The following PATJ variants were observed in gnomAD, a reference collection of about 807,000 sequenced individuals.
The protein encoded by PATJ is inaD-like protein.
PATJ carries 190 observed loss-of-function variants against 224.9 expected under a neutral mutation model. The observed-to-expected ratio is 0.84, with a 90% CI of 0.75 to 0.95. The LOEUF (loss-of-function observed/expected upper bound fraction) is 0.95. Among genes scored for constraint, PATJ ranks in the 40% least tolerant of loss-of-function variants. The pLI, the probability that PATJ is intolerant of heterozygous loss-of-function variation, is 0.00. For missense variants in PATJ, 2,121 were observed against 2,270.3 expected, an observed-to-expected ratio of 0.93 and a Z score of 1.34; for synonymous variants, 769 against 820.3, an observed-to-expected ratio of 0.94 and a Z score of 1.07.
At chr1:62,012,631 G>A (rs1306581705) in intron 28 of PATJ, among the ~76,000 whole-genome samples, 1 of 152,114 alleles carries the variant, frequency 6.6e-6, no homozygotes, top group East Asian at 1.9e-4. Flanking sequence ...TGAATTTTCA[G>A]TGGAGCATAT....
chr1:62,004,704 T>C lies in PATJ; in HGVS notation c.3868-13152T>C, dbSNP rs568666687. Among the ~76,000 whole-genome samples, 39 of 152,360 alleles carry C rather than the reference T, an allele frequency of 2.6e-4. No individual in the cohort carries two copies. The South Asian group carries it at 8.1e-3, about 32-fold the overall frequency. On this transcript the variant is annotated intron_variant, in intron 28 of 43. Coordinates refer to ENST00000642238, the MANE Select transcript of PATJ (RefSeq NM_001350145.3). Reference sequence around the variant, plus strand: ...GTAATGTATTAGGCATGTGTGCACATGTATGTGTGTGTGCCTTCTATGTTG... The same window carrying C: ...GTAATGTATTAGGCATGTGTGCACACGTATGTGTGTGTGCCTTCTATGTTG...
rs1161474792 is a variant in PATJ, at chr1:62,136,648, CGTGTGTGTGTGTGTGTCT to C, written c.5271+7720_5271+7737del. Among the ~76,000 whole-genome samples, 62 of 71,292 alleles carry C rather than the reference CGTGTGTGTGTGTGTGTCT, an allele frequency of 8.7e-4. 1 individual carries two copies. The highest frequency in any genetic ancestry group is 2.2e-3 in the South Asian group (4 of 1,800). 46.8% of individuals were successfully genotyped at this position (71,292 alleles called of 152,430 possible). ...AAGTGCTGAGGATTTTTATGTTTTG[CGTGTGTGTGTGTGTGTCT>C]GTGTGTGTGTGTGTGTGTGTGTGTG... On this transcript the variant is annotated intron_variant, in intron 41 of 43. Coordinates refer to ENST00000642238, the MANE Select transcript of PATJ (RefSeq NM_001350145.3).
At chr1:62,017,742 A>AG (rs1646861618) in intron 28 of PATJ, 114 bp from the exon 29 acceptor site, 31 of 578,418 alleles carry the variant, frequency 5.4e-5, no homozygotes, top group African/African-American at 2.5e-4. Flanking sequence ...AAAAAAAAAA[A>AG]AAAAAGAAAA....
intron 20 of PATJ, among the ~76,000 whole-genome samples, chr1:61,869,995 G>A (rs1666080976): frequency 6.6e-6 from 1 of 152,212 alleles, no homozygotes; most frequent in Non-Finnish European, 1.5e-5. Context: ...TCTGCCATCT[G>A]CGGACGGCTT....
At chr1:61,804,479 C>A (rs1404322770) in intron 12 of PATJ, among the ~76,000 whole-genome samples, 1 of 152,070 alleles carries the variant, frequency 6.6e-6, no homozygotes, top group African/African-American at 2.4e-5. Context: ...ATGCTGAAGA[C>A]TGAAAGAGCT....
intron 12 of PATJ, among the ~76,000 whole-genome samples, chr1:61,803,699 A>C (rs1652994581): frequency 6.6e-6 from 1 of 152,218 alleles, no homozygotes. Context: ...AGGAAGTATT[A>C]GTTTTAGAAA....
chr1:61,843,205 C>T (rs1374926807), intron 17 of PATJ, among the ~76,000 whole-genome samples: 1 of 152,098 alleles, frequency 6.6e-6, no homozygotes, highest in Non-Finnish European at 1.5e-5. Flanking sequence ...CCCTTTCAGC[C>T]CTTTCCTCTG....
intron 31 of PATJ, among the ~76,000 whole-genome samples, chr1:62,077,852 C>G (rs1658583882): frequency 6.6e-6 from 1 of 152,076 alleles, no homozygotes. Flanking sequence ...AGTGTGATTT[C>G]AAATATGTCA....
At chr1:61,768,957 A>G (rs1419087194) in intron 4 of PATJ, among the ~76,000 whole-genome samples, 8 of 152,254 alleles carry the variant, frequency 5.3e-5, no homozygotes, top group East Asian at 1.9e-4. Flanking sequence ...AGGAAATTCA[A>G]TGTAAAAAAG....
rs761389312 is a variant in PATJ at position 62,117,238 on chromosome 1, C to A, written c.4890+20C>A. 1 of 1,613,640 alleles carries A rather than the reference C, an allele frequency of 6.2e-7. No homozygotes were observed. The highest frequency in any genetic ancestry group is 1.7e-5 in the Admixed American group (1 of 59,972). On this transcript the variant is annotated intron_variant, in intron 37 of 43. Coordinates refer to ENST00000642238, the MANE Select transcript of PATJ (RefSeq NM_001350145.3). The stretch of plus-strand genomic sequence containing the variant: ...AGTCAGGTTGTCGATGGCTTCTCAT[C>A]AGACTGACTCACTCTTCTGCCCCCA...
At chr1:62,154,699 G>C (rs1570851511) in intron 43 of PATJ, among the ~76,000 whole-genome samples, 1 of 151,448 alleles carries the variant, frequency 6.6e-6, no homozygotes, top group East Asian at 1.9e-4. Flanking sequence ...TCTTTGAAAG[G>C]AGAAATAAGA....
intron 27 of PATJ, among the ~76,000 whole-genome samples, chr1:61,948,841 TA>T (rs1485378061): frequency 6.6e-6 from 1 of 151,952 alleles, no homozygotes; most frequent in Non-Finnish European, 1.5e-5. Flanking sequence ...TAGACTGGAT[TA>T]AAAAAATGTG....
chr1:61,764,368 T>A (rs1308200072), intron 3 of PATJ, among the ~76,000 whole-genome samples: 1 of 152,084 alleles, frequency 6.6e-6, no homozygotes, highest in Non-Finnish European at 1.5e-5. Flanking sequence ...CATTATTGAA[T>A]AAGGGACACA....
At position 62,036,487 on chromosome 1, in the gene PATJ, A is replaced by G. The variant is rs372025256; in HGVS notation, c.3960-1490A>G. Among the ~76,000 whole-genome samples, 22 of 152,286 alleles carry G rather than the reference A, an allele frequency of 1.4e-4. 1 individual carries two copies. The South Asian group carries it at 4.4e-3, about 30-fold the overall frequency. On this transcript the variant is annotated intron_variant, in intron 29 of 43. Transcript: ENST00000642238. ...TGAATGAGCGGGATAAAAAAGGTCT[A>G]TTTTATTTGAGATGCGTGTAAGACA...
At chr1:61,992,007 A>G (rs545230239) in intron 28 of PATJ, among the ~76,000 whole-genome samples, 4 of 152,314 alleles carry the variant, frequency 2.6e-5, no homozygotes, top group Admixed American at 2.6e-4. Flanking sequence ...GGTAAATAGT[A>G]TACCTAATAT....
chr1:61,860,833 TA>T (rs760245834), intron 18 of PATJ, among the ~76,000 whole-genome samples: 3,946 of 133,350 alleles, frequency 0.03, 80 homozygotes, highest in African/African-American at 0.072. Context: ...TGTCTCAATT[TA>T]AAAAAAAAAA....
intron 43 of PATJ, 30 bp downstream of exon 43, chr1:62,153,511 A>T (rs1430306263): frequency 4.9e-6 from 6 of 1,219,596 alleles, no homozygotes; most frequent in South Asian, 4.2e-5. Context: ...GTACTTTTTT[A>T]AAAAAATTAA....
At chr1:62,156,546 A>G (rs1669241419) in intron 43 of PATJ, among the ~76,000 whole-genome samples, 3 of 151,512 alleles carry the variant, frequency 2.0e-5, no homozygotes, top group South Asian at 2.1e-4. Context: ...AAAACCTCCA[A>G]TGTAAATAAT....
At chr1:61,955,944 C>T (rs2149402865) in intron 27 of PATJ, among the ~76,000 whole-genome samples, 1 of 152,300 alleles carries the variant, frequency 6.6e-6, no homozygotes, top group Non-Finnish European at 1.5e-5. Context: ...GGAATTACTC[C>T]AAAAAGCATA....
Sources: allele counts gnomAD v4.1 joint callset (sites outside exome capture counted in the v4.1 genomes callset), GRCh38; gene constraint gnomAD v4.1.1; transcripts MANE v1.5; gene names NCBI Gene and HGNC (gene_info 2026-07-23, HGNC 2026-07-21).